Variants in LARP1B observed in about 807,000 individuals in gnomAD.
LARP1B encodes La ribonucleoprotein 1B, also known as la-related protein 1B.
LARP1B carries 76 observed loss-of-function variants against 114.2 expected under a neutral mutation model. The observed-to-expected ratio is 0.67, with a 90% CI of 0.55 to 0.81. The LOEUF (loss-of-function observed/expected upper bound fraction) is 0.81. Among genes scored for constraint, LARP1B ranks in the 30% least tolerant of loss-of-function variants. LARP1B has a pLI of 0.00. For missense variants in LARP1B, 1,014 were observed against 1,075.8 expected, an observed-to-expected ratio of 0.94 and a Z score of 0.80; for synonymous variants, 345 against 348.0, an observed-to-expected ratio of 0.99 and a Z score of 0.10.
At chr4:128,171,594 C>G (rs1228689819) in intron 12 of LARP1B, among the ~76,000 whole-genome samples, 1 of 152,124 alleles carries the variant, frequency 6.6e-6, no homozygotes, top group African/African-American at 2.4e-5. Flanking sequence ...TACCGTTTAT[C>G]TTGCTGTTCC....
intron 12 of LARP1B, among the ~76,000 whole-genome samples, chr4:128,166,930 T>TTCTCTC (rs56916317): frequency 2.5e-4 from 26 of 103,092 alleles, no homozygotes; most frequent in South Asian, 7.9e-4. Context: ...TTATATTCTA[T>TTCTCTC]TCTCTCTCTC....
At chr4:128,113,843 A>G (rs1784936005) in intron 9 of LARP1B, among the ~76,000 whole-genome samples, 2 of 144,386 alleles carry the variant, frequency 1.4e-5, no homozygotes, top group Admixed American at 7.2e-5. Flanking sequence ...CTGGAGTGCA[A>G]TAGCGCCATC....
intron 1 of LARP1B, among the ~76,000 whole-genome samples, chr4:128,062,371 C>T (rs574380330): frequency 6.6e-6 from 1 of 152,312 alleles, no homozygotes; most frequent in East Asian, 1.9e-4. Flanking sequence ...TCCAAGGTGT[C>T]ATTCACTCTG....
chr4:128,173,208 G>A (rs1744568721), intron 12 of LARP1B, among the ~76,000 whole-genome samples: 2 of 152,026 alleles, frequency 1.3e-5, no homozygotes, highest in Admixed American at 1.3e-4. Flanking sequence ...TGGCCCATTG[G>A]CTGAAACTAG....
intron 7 of LARP1B, among the ~76,000 whole-genome samples, chr4:128,097,650 C>G (rs945663167): frequency 2.0e-5 from 3 of 152,110 alleles, no homozygotes; most frequent in African/African-American, 7.2e-5. Flanking sequence ...GGTTACTAGG[C>G]TTCAGAAGTA....
At chr4:128,160,756 T>C (rs1317180067) in intron 11 of LARP1B, among the ~76,000 whole-genome samples, 1 of 152,178 alleles carries the variant, frequency 6.6e-6, no homozygotes, top group Admixed American at 6.5e-5. Context: ...AAGAGCTTAT[T>C]GAAAACTTTT....
intron 11 of LARP1B, chr4:128,155,535 G>C: frequency 2.5e-6 from 2 of 793,446 alleles, no homozygotes; most frequent in Non-Finnish European, 2.3e-6. Flanking sequence ...GCAGTGAGGA[G>C]CTGCAGTGGA....
chr4:128,188,524 CTTTA>C (rs1751121861), intron 15 of LARP1B, among the ~76,000 whole-genome samples: 1 of 152,050 alleles, frequency 6.6e-6, no homozygotes, highest in African/African-American at 2.4e-5. Flanking sequence ...CTGCCTTGAT[CTTTA>C]TTGTTTCTTT....
At chr4:128,154,617 T>G (rs1250704964) in intron 11 of LARP1B, among the ~76,000 whole-genome samples, 1 of 152,188 alleles carries the variant, frequency 6.6e-6, no homozygotes, top group Non-Finnish European at 1.5e-5. Flanking sequence ...TTCATTATCT[T>G]TTAGCTAAAT....
chr4:128,152,118 C>A (rs1327214429), intron 11 of LARP1B, among the ~76,000 whole-genome samples: 1 of 151,874 alleles, frequency 6.6e-6, no homozygotes, highest in Non-Finnish European at 1.5e-5. Flanking sequence ...TATTTTAAAA[C>A]TGTGTTCCCC....
chr4:128,097,157 G>A (rs1373562458), intron 7 of LARP1B, among the ~76,000 whole-genome samples: 2 of 150,130 alleles, frequency 1.3e-5, no homozygotes, highest in Admixed American at 6.6e-5. Flanking sequence ...CTCAGCCTCC[G>A]AAGGTGCTGG....
intron 11 of LARP1B, among the ~76,000 whole-genome samples, chr4:128,160,368 A>G (rs537766066): frequency 2.7e-4 from 41 of 152,330 alleles, no homozygotes; most frequent in African/African-American, 9.6e-4. Flanking sequence ...TTGAAGGTGT[A>G]TGAGCTATTT....
chr4:128,204,076 A>T (rs1756860369), intron 17 of LARP1B, among the ~76,000 whole-genome samples: 1 of 152,244 alleles, frequency 6.6e-6, no homozygotes, highest in African/African-American at 2.4e-5. Context: ...TAGTTTGCTA[A>T]GAAATAAGAG....
At chr4:128,183,544 C>T (rs765292991) in intron 15 of LARP1B, among the ~76,000 whole-genome samples, 2 of 152,118 alleles carry the variant, frequency 1.3e-5, no homozygotes, top group East Asian at 1.9e-4. Context: ...TGACAGTGTA[C>T]GTCATCACCC....
rs1398006469 is a variant in LARP1B at position 128,102,391 on chromosome 4, A to G, written c.813+4061A>G. ...TATCTGGCAAATGTAGTAAGCTCTA[A>G]ATAAGTAAGCATTTGCTATTATTGT... On this transcript the variant is annotated intron_variant, in intron 8 of 19. Coordinates refer to ENST00000326639, the MANE Select transcript of LARP1B (RefSeq NM_018078.4). Among the ~76,000 whole-genome samples the G allele has an allele frequency of 2.6e-5, 4 of 152,226 alleles. No homozygotes were observed. In the East Asian group the frequency reaches 7.7e-4, roughly 29 times the overall value.
chr4:128,206,606 G>A, intron 18 of LARP1B, 69 bp downstream of exon 18: 1 of 1,521,786 alleles, frequency 6.6e-7, no homozygotes, highest in South Asian at 1.3e-5. Context: ...AGTAAATAGG[G>A]AAGGAGTTCA....
At chr4:128,121,249 G>A (rs189011633) in intron 10 of LARP1B, among the ~76,000 whole-genome samples, 7 of 152,330 alleles carry the variant, frequency 4.6e-5, no homozygotes, top group East Asian at 3.9e-4. Flanking sequence ...AAAAAGGTTC[G>A]GAATAGGGAA....
At chr4:128,070,337 A>G (rs1459792357) in intron 1 of LARP1B, among the ~76,000 whole-genome samples, 1 of 151,574 alleles carries the variant, frequency 6.6e-6, no homozygotes, top group Non-Finnish European at 1.5e-5. Context: ...AAAAGAAGAT[A>G]ATTTACTAAA....
chr4:128,194,534 T>C (rs1361659193), intron 15 of LARP1B, among the ~76,000 whole-genome samples: 1 of 151,660 alleles, frequency 6.6e-6, no homozygotes, highest in Admixed American at 6.6e-5. Flanking sequence ...TACACAAAAA[T>C]TAGCCGGGCA....
Sources: allele counts gnomAD v4.1 joint callset (sites outside exome capture counted in the v4.1 genomes callset), GRCh38; gene constraint gnomAD v4.1.1; transcripts MANE v1.5; gene names NCBI Gene and HGNC (gene_info 2026-07-23, HGNC 2026-07-21).